Variants in MC2R observed in about 807,000 individuals in gnomAD.
The protein encoded by MC2R is adrenocorticotropic hormone receptor.
A neutral mutation model predicts 9.8 loss-of-function variants in MC2R; 9 were observed. The ratio of observed to expected loss-of-function variants is 0.92; its 90% CI spans 0.55 to 1.60. MC2R has a LOEUF of 1.60. MC2R is among the 40% of genes most tolerant of loss of function. MC2R has a pLI of 0.00. For synonymous variants in MC2R, 185 were observed against 154.7 expected (o/e 1.20, Z -1.45); for missense variants, 370 against 389.0 (o/e 0.95, Z 0.41).
At chr18:13,904,447 G>A (rs2045400187) in intron 1 of MC2R, among the ~76,000 whole-genome samples, 1 of 150,750 alleles carries the variant, frequency 6.6e-6, no homozygotes, top group African/African-American at 2.4e-5. Context: ...GCATCATACT[G>A]AATGGGGAGA....
chr18:13,913,474 T>C (rs1331279186), intron 1 of MC2R, among the ~76,000 whole-genome samples: 1 of 152,244 alleles, frequency 6.6e-6, no homozygotes, highest in Non-Finnish European at 1.5e-5. Context: ...GCTCTGTGCG[T>C]TACCCATGCT....
intron 1 of MC2R, among the ~76,000 whole-genome samples, chr18:13,913,983 G>A (rs555021375): frequency 6.6e-5 from 10 of 152,066 alleles, no homozygotes; most frequent in African/African-American, 2.4e-4. Context: ...AGACAAGAAA[G>A]CTCTCATTAA....
At chr18:13,893,954 T>G (rs1259728358) in intron 1 of MC2R, among the ~76,000 whole-genome samples, 1 of 152,236 alleles carries the variant, frequency 6.6e-6, no homozygotes, top group Non-Finnish European at 1.5e-5. Context: ...TAAGCAATAT[T>G]ACATTGGATC....
At chr18:13,914,975 G>T (rs2045467903) in intron 1 of MC2R, among the ~76,000 whole-genome samples, 1 of 152,248 alleles carries the variant, frequency 6.6e-6, no homozygotes, top group Non-Finnish European at 1.5e-5. Context: ...CACAGAAAGT[G>T]TGCGTGCATC....
At chr18:13,901,555 A>G (rs1567901033) in intron 1 of MC2R, among the ~76,000 whole-genome samples, 1 of 152,096 alleles carries the variant, frequency 6.6e-6, no homozygotes. Flanking sequence ...ATGAAAAAAG[A>G]GACGTTACAA....
chr18:13,905,283 A>G (rs79168661), intron 1 of MC2R, among the ~76,000 whole-genome samples: 1 of 152,148 alleles, frequency 6.6e-6, no homozygotes, highest in Non-Finnish European at 1.5e-5. Context: ...AATGAAAAAA[A>G]GCTACCATCC....
At chr18:13,893,200 A>G (rs1206293096) in intron 1 of MC2R, among the ~76,000 whole-genome samples, 1 of 152,040 alleles carries the variant, frequency 6.6e-6, no homozygotes, top group Non-Finnish European at 1.5e-5. Context: ...TCTGAACGAC[A>G]TCCGGAAGTT....
intron 1 of MC2R, among the ~76,000 whole-genome samples, chr18:13,904,055 G>A (rs1283306446): frequency 6.6e-6 from 1 of 151,204 alleles, no homozygotes; most frequent in Admixed American, 6.6e-5. Flanking sequence ...TTCTTCCAAC[G>A]AAATAAACCC....
At chr18:13,906,749 TA>T (rs1415887997) in intron 1 of MC2R, among the ~76,000 whole-genome samples, 6 of 152,016 alleles carry the variant, frequency 3.9e-5, no homozygotes, top group African/African-American at 1.2e-4. Context: ...GTGAACAATC[TA>T]AAAAAGAAAT....
chr18:13,889,414 G>A (rs1267305473), intron 1 of MC2R, among the ~76,000 whole-genome samples: 6 of 152,172 alleles, frequency 3.9e-5, no homozygotes, highest in African/African-American at 1.2e-4. Flanking sequence ...TGGTTGATTC[G>A]TTTGCCTGAA....
intron 1 of MC2R, among the ~76,000 whole-genome samples, chr18:13,904,066 A>C (rs930670571): frequency 6.6e-6 from 1 of 151,724 alleles, no homozygotes; most frequent in African/African-American, 2.4e-5. Flanking sequence ...AAATAAACCC[A>C]CTCAAAATGT....
chr18:13,905,116 T>A (rs545638099), intron 1 of MC2R, among the ~76,000 whole-genome samples: 1 of 152,266 alleles, frequency 6.6e-6, no homozygotes, highest in East Asian at 1.9e-4. Context: ...CAGAATAGGA[T>A]AAATTTTTTG....
At chr18:13,913,338 G>A (rs16941308) in intron 1 of MC2R, among the ~76,000 whole-genome samples, 2,489 of 152,208 alleles carry the variant, frequency 0.016, 63 homozygotes, top group African/African-American at 0.056. Flanking sequence ...TGACCCACTC[G>A]GACCTTTCCC....
At position 13,900,593 on chromosome 18, in the gene MC2R, G is replaced by A. The variant is rs138676008; in HGVS notation, c.-129+14895C>T. ...ATGCCAATGGAAACCAAAAAAGAGC[G>A]GGAATAACTATACTTACATCAGACA... On this transcript the variant is annotated intron_variant, in intron 1 of 1. Transcript: ENST00000327606. 2.7e-3 allele frequency among the ~76,000 whole-genome samples: 404 copies of A among 152,064 alleles called. 1 individual carries two copies. Among genetic ancestry groups the A allele is most frequent in the African/African-American group, 9.3e-3 (384 of 41,504 alleles).
chr18:13,910,710 G>C (rs956081797), intron 1 of MC2R, among the ~76,000 whole-genome samples: 1 of 152,138 alleles, frequency 6.6e-6, no homozygotes, highest in African/African-American at 2.4e-5. Context: ...GTCCTGGCTG[G>C]GCTGAGGCTG....
intron 1 of MC2R, among the ~76,000 whole-genome samples, chr18:13,902,278 C>A (rs912700808): frequency 1.3e-5 from 2 of 152,016 alleles, no homozygotes; most frequent in African/African-American, 2.4e-5. Context: ...ACACAACATA[C>A]CCACAGCCAT....
rs773827910 is a variant in MC2R, at chr18:13,885,272, G to C, written c.247C>G (p.Leu83Val). 6.2e-7 allele frequency: 1 copy of C among 1,614,066 alleles called. No individual in the cohort carries two copies. Among genetic ancestry groups the C allele is most frequent in the Non-Finnish European group, 8.5e-7 (1 of 1,180,022 alleles). ...GSLYKILENILIILRNMGYLK... is the reference protein window; with the variant it reads ...GSLYKILENIVIILRNMGYLK... ...TAGCCCATGTTTCTCAATATGATCAGGATATTTTCCAAGATCTTATATAGG... is the reference window on the plus strand; with the variant it reads ...TAGCCCATGTTTCTCAATATGATCACGATATTTTCCAAGATCTTATATAGG... The change falls in exon 2 of 2, where the codon CTG becomes GTG. Residue 83 changes from leucine to valine, a missense_variant. By Grantham distance (32) the Leu-to-Val change is conservative. Coordinates refer to ENST00000327606, the MANE Select transcript of MC2R (RefSeq NM_000529.2).
chr18:13,912,203 A>G (rs2045448620), intron 1 of MC2R, among the ~76,000 whole-genome samples: 1 of 152,182 alleles, frequency 6.6e-6, no homozygotes, highest in African/African-American at 2.4e-5. Context: ...TTGCAATGTT[A>G]AAGGTTGGAG....
chr18:13,895,562 G>C (rs996461367), intron 1 of MC2R, among the ~76,000 whole-genome samples: 1 of 152,120 alleles, frequency 6.6e-6, no homozygotes, highest in Non-Finnish European at 1.5e-5. Flanking sequence ...AGGACCCTCT[G>C]CCTGTAGAAA....
Sources: allele counts gnomAD v4.1 joint callset (sites outside exome capture counted in the v4.1 genomes callset), GRCh38; gene constraint gnomAD v4.1.1; transcripts MANE v1.5; gene names NCBI Gene and HGNC (gene_info 2026-07-23, HGNC 2026-07-21).